KHDRBS2: variants seen among roughly 807,000 people sequenced by gnomAD.
KHDRBS2 encodes KH domain-containing, RNA-binding, signal transduction-associated protein 2.
A neutral mutation model predicts 44.3 loss-of-function variants in KHDRBS2; 26 were observed. The observed-to-expected ratio is 0.59, with a 90% confidence interval of 0.43 to 0.81. The LOEUF is 0.81. Among genes scored for constraint, KHDRBS2 ranks in the 40% least tolerant of loss-of-function variants. KHDRBS2 has a pLI of 0.00. For synonymous variants in KHDRBS2, 194 were observed against 151.1 expected, an observed-to-expected ratio of 1.28 and a Z score of -2.08; for missense variants, 476 against 433.1, an observed-to-expected ratio of 1.10 and a Z score of -0.88.
At chr6:61,809,846 G>A (rs867126475) in intron 6 of KHDRBS2, among the ~76,000 whole-genome samples, 1 of 152,196 alleles carries the variant, frequency 6.6e-6, no homozygotes, top group Middle Eastern at 3.4e-3. Flanking sequence ...GGAAATTCTG[G>A]AGCACCAGTC....
chr6:61,816,721 T>A, intron 6 of KHDRBS2: 1 of 393,236 alleles, frequency 2.5e-6, no homozygotes. Flanking sequence ...AGAATAAATC[T>A]ACTAAAATGT....
At chr6:62,089,672 T>C (rs1247348550) in intron 2 of KHDRBS2, among the ~76,000 whole-genome samples, 1 of 152,192 alleles carries the variant, frequency 6.6e-6, no homozygotes, top group Non-Finnish European at 1.5e-5. Flanking sequence ...GCTCCTATTC[T>C]GCTATCTTGC....
the KHDRBS2 span, among the ~76,000 whole-genome samples, chr6:61,601,138 T>A: frequency 6.6e-6 from 1 of 152,180 alleles, no homozygotes; most frequent in South Asian, 2.1e-4. Context: ...CTCACCCACA[T>A]TGCAGCCCAG....
At chr6:61,852,114 C>T (rs144719872) in intron 6 of KHDRBS2, among the ~76,000 whole-genome samples, 3 of 151,706 alleles carry the variant, frequency 2.0e-5, no homozygotes, top group African/African-American at 4.8e-5. Context: ...CCCAGCTACT[C>T]GGGAGGCTGA....
At chr6:61,577,928 G>A in the KHDRBS2 span, among the ~76,000 whole-genome samples, 1,788 of 152,150 alleles carry the variant, frequency 0.012, 36 homozygotes, top group African/African-American at 0.042. Context: ...AGTTAAACTT[G>A]ACAGCAAAAT....
chr6:62,133,115 A>G (rs1478735291), intron 2 of KHDRBS2, among the ~76,000 whole-genome samples: 1 of 152,138 alleles, frequency 6.6e-6, no homozygotes, highest in Non-Finnish European at 1.5e-5. Context: ...AAGACAAGAG[A>G]TAACAAATGT....
At chr6:61,809,472 G>C (rs1035022288) in intron 6 of KHDRBS2, among the ~76,000 whole-genome samples, 3 of 152,050 alleles carry the variant, frequency 2.0e-5, no homozygotes, top group African/African-American at 7.2e-5. Flanking sequence ...TGTAATATCT[G>C]AGCTGTTATC....
At chr6:62,079,468 C>A (rs1234772299) in intron 2 of KHDRBS2, among the ~76,000 whole-genome samples, 2 of 151,964 alleles carry the variant, frequency 1.3e-5, no homozygotes, top group Non-Finnish European at 2.9e-5. Context: ...TTTGTCACTG[C>A]AGAAAATTCT....
intron 4 of KHDRBS2, among the ~76,000 whole-genome samples, chr6:61,976,970 A>C (rs1214084512): frequency 6.6e-6 from 1 of 152,170 alleles, no homozygotes; most frequent in Non-Finnish European, 1.5e-5. Flanking sequence ...TATGAAGTTA[A>C]GAATAATCAG....
chr6:61,645,234 T>A, the KHDRBS2 span, among the ~76,000 whole-genome samples: 63 of 152,214 alleles, frequency 4.1e-4, 2 homozygotes, highest in South Asian at 0.013. Context: ...ATATCACATG[T>A]TCTCACTTAT....
intron 4 of KHDRBS2, among the ~76,000 whole-genome samples, chr6:61,955,389 T>TAC (rs1168076461): frequency 1.4e-4 from 12 of 88,484 alleles, no homozygotes; most frequent in African/African-American, 6.1e-4. Flanking sequence ...TACACATACG[T>TAC]ATGTGTATGT....
intron 6 of KHDRBS2, among the ~76,000 whole-genome samples, chr6:61,885,298 C>T (rs1163211698): frequency 6.6e-6 from 1 of 151,996 alleles, no homozygotes; most frequent in Non-Finnish European, 1.5e-5. Flanking sequence ...TGTTTCACAA[C>T]TCATTGATGG....
the KHDRBS2 span, among the ~76,000 whole-genome samples, chr6:61,548,333 G>C: frequency 1.3e-5 from 2 of 152,090 alleles, no homozygotes; most frequent in African/African-American, 4.8e-5. Flanking sequence ...GCAGGAAGCT[G>C]AAATCATTAG....
At chr6:62,073,186 T>C (rs140401491) in intron 2 of KHDRBS2, among the ~76,000 whole-genome samples, 94 of 152,010 alleles carry the variant, frequency 6.2e-4, no homozygotes, top group African/African-American at 2.2e-3. Context: ...GTGAAGATAT[T>C]TGAACCTGGA....
At chr6:61,548,084 C>A in the KHDRBS2 span, among the ~76,000 whole-genome samples, 1 of 152,002 alleles carries the variant, frequency 6.6e-6, no homozygotes, top group Non-Finnish European at 1.5e-5. Flanking sequence ...AGACAAAAAT[C>A]TAATAGGAAC....
the KHDRBS2 span, among the ~76,000 whole-genome samples, chr6:61,651,304 T>C: frequency 6.6e-6 from 1 of 152,104 alleles, no homozygotes; most frequent in South Asian, 2.1e-4. Context: ...AATAGATACT[T>C]GCTACATAAT....
chr6:62,181,806 C>T (rs1822370671), intron 1 of KHDRBS2, among the ~76,000 whole-genome samples: 1 of 151,868 alleles, frequency 6.6e-6, no homozygotes, highest in African/African-American at 2.4e-5. Flanking sequence ...GATTCATGCT[C>T]TTAAAAAAGA....
intron 1 of KHDRBS2, among the ~76,000 whole-genome samples, chr6:62,260,010 C>T (rs1456386722): frequency 6.6e-6 from 1 of 151,982 alleles, no homozygotes; most frequent in Non-Finnish European, 1.5e-5. Flanking sequence ...GGATCTTCCA[C>T]TGCTGTCAGG....
chr6:62,213,737 G>T (rs1829484613), intron 1 of KHDRBS2, among the ~76,000 whole-genome samples: 1 of 151,842 alleles, frequency 6.6e-6, no homozygotes. Context: ...AGCCAGGCAT[G>T]GTGGTGGACA....
Sources: allele counts gnomAD v4.1 joint callset (sites outside exome capture counted in the v4.1 genomes callset), GRCh38; gene constraint gnomAD v4.1.1; transcripts MANE v1.5; gene names NCBI Gene and HGNC (gene_info 2026-07-23, HGNC 2026-07-21).